Variants in TBC1D19 observed in about 807,000 individuals in gnomAD.
The protein encoded by TBC1D19 is TBC1 domain family, member 19.
TBC1D19 carries 60 observed loss-of-function variants against 89.0 expected under a neutral mutation model. That is an observed-to-expected ratio of 0.67 (90% CI 0.55 to 0.84). The LOEUF (loss-of-function observed/expected upper bound fraction) is 0.84. TBC1D19 is among the 40% of genes least tolerant of loss of function. TBC1D19 has a pLI of 0.00. For missense variants in TBC1D19, 500 were observed against 610.8 expected, an observed-to-expected ratio of 0.82 and a Z score of 1.91; for synonymous variants, 189 against 199.7, an observed-to-expected ratio of 0.95 and a Z score of 0.45.
At chr4:26,605,815 C>T (rs577763982) in intron 1 of TBC1D19, among the ~76,000 whole-genome samples, 1 of 152,250 alleles carries the variant, frequency 6.6e-6, no homozygotes, top group Non-Finnish European at 1.5e-5. Context: ...TGATGATGAG[C>T]ATTTTTTTCA....
At chr4:26,810,502 CT>C in the TBC1D19 span, among the ~76,000 whole-genome samples, 1 of 152,210 alleles carries the variant, frequency 6.6e-6, no homozygotes, top group Non-Finnish European at 1.5e-5. Flanking sequence ...TGACCCTTCT[CT>C]GGTCCTATCT....
At chr4:26,720,050 T>C in intron 14 of TBC1D19, 31 bp from the exon 15 acceptor site, 1 of 1,541,236 alleles carries the variant, frequency 6.5e-7, no homozygotes, top group South Asian at 1.2e-5. Flanking sequence ...TACTTAATCA[T>C]ATTGAAATCC....
intron 13 of TBC1D19, among the ~76,000 whole-genome samples, chr4:26,700,387 C>T (rs1482419403): frequency 6.6e-6 from 1 of 152,158 alleles, no homozygotes; most frequent in African/African-American, 2.4e-5. Flanking sequence ...TATTGAATGG[C>T]ATTTTTTTTC....
intron 3 of TBC1D19, among the ~76,000 whole-genome samples, chr4:26,616,526 T>A (rs527731312): frequency 3.3e-4 from 50 of 152,256 alleles, no homozygotes; most frequent in Admixed American, 2.6e-4. Flanking sequence ...ATTAGATGGA[T>A]GAATAAGGAA....
intron 7 of TBC1D19, among the ~76,000 whole-genome samples, chr4:26,654,013 G>A (rs190707680): frequency 0.012 from 1,776 of 152,212 alleles, 47 homozygotes; most frequent in African/African-American, 0.041. Context: ...GGCTGGTACC[G>A]GTTATTCCTT....
intron 1 of TBC1D19, among the ~76,000 whole-genome samples, chr4:26,605,055 T>G (rs1740896682): frequency 6.6e-6 from 1 of 152,022 alleles, no homozygotes; most frequent in Non-Finnish European, 1.5e-5. Flanking sequence ...TATTTTTATT[T>G]TTTTATTATT....
At chr4:26,694,183 C>T (rs964152008) in intron 13 of TBC1D19, among the ~76,000 whole-genome samples, 4 of 152,034 alleles carry the variant, frequency 2.6e-5, no homozygotes, top group African/African-American at 7.2e-5. Context: ...CCTGGAAAAT[C>T]GGGTCACTCC....
At chr4:26,719,035 A>G (rs1029206287) in intron 14 of TBC1D19, among the ~76,000 whole-genome samples, 1 of 152,042 alleles carries the variant, frequency 6.6e-6, no homozygotes, top group African/African-American at 2.4e-5. Context: ...GTACCTCACC[A>G]TGTCCACCAA....
At chr4:26,599,702 T>C (rs555451313) in intron 1 of TBC1D19, among the ~76,000 whole-genome samples, 1 of 152,196 alleles carries the variant, frequency 6.6e-6, no homozygotes, top group Admixed American at 6.5e-5. Flanking sequence ...TCCTAGCACT[T>C]TGGGAGGCCA....
chr4:26,794,590 AT>A, the TBC1D19 span, among the ~76,000 whole-genome samples: 2 of 152,196 alleles, frequency 1.3e-5, no homozygotes. Flanking sequence ...GAACTGGGAA[AT>A]TTTTTAAAAA....
At chr4:26,729,958 A>C (rs1239949431) in intron 15 of TBC1D19, among the ~76,000 whole-genome samples, 2 of 152,210 alleles carry the variant, frequency 1.3e-5, no homozygotes, top group African/African-American at 4.8e-5. Flanking sequence ...TCCTCAGTGG[A>C]TGTAGAGAAC....
At chr4:26,629,630 T>C (rs114815822) in intron 4 of TBC1D19, among the ~76,000 whole-genome samples, 1 of 152,170 alleles carries the variant, frequency 6.6e-6, no homozygotes, top group African/African-American at 2.4e-5. Flanking sequence ...CAGAAACTTA[T>C]GTTCGTAATA....
intron 13 of TBC1D19, among the ~76,000 whole-genome samples, chr4:26,714,126 A>G (rs1019965943): frequency 1.3e-5 from 2 of 152,098 alleles, no homozygotes; most frequent in African/African-American, 4.8e-5. Context: ...CAGGAGGATT[A>G]CTTGAGCTCA....
the TBC1D19 span, among the ~76,000 whole-genome samples, chr4:26,813,186 C>T: frequency 6.6e-6 from 1 of 151,970 alleles, no homozygotes; most frequent in Admixed American, 6.6e-5. Flanking sequence ...TGCAGAGGCT[C>T]GCTGCAGAGA....
chr4:26,775,354 T>C, the TBC1D19 span, among the ~76,000 whole-genome samples: 1 of 152,208 alleles, frequency 6.6e-6, no homozygotes, highest in Non-Finnish European at 1.5e-5. Flanking sequence ...CTCAGGAGGC[T>C]AAAGTGGGAA....
chr4:26,733,550 C>T (rs1717792577), intron 15 of TBC1D19, among the ~76,000 whole-genome samples: 1 of 152,116 alleles, frequency 6.6e-6, no homozygotes, highest in South Asian at 2.1e-4. Context: ...GCCCTTATCG[C>T]AACAGGTTGC....
At chr4:26,696,772 G>A (rs1714827283) in intron 13 of TBC1D19, among the ~76,000 whole-genome samples, 1 of 152,144 alleles carries the variant, frequency 6.6e-6, no homozygotes, top group Admixed American at 6.5e-5. Flanking sequence ...GGTACATAAC[G>A]AAATGAAGGC....
the TBC1D19 span, among the ~76,000 whole-genome samples, chr4:26,836,297 C>T: frequency 3.9e-5 from 6 of 152,188 alleles, no homozygotes; most frequent in Admixed American, 2.6e-4. Context: ...GTTGTATTTC[C>T]AGCTTCTAGC....
the TBC1D19 span, among the ~76,000 whole-genome samples, chr4:26,849,251 A>G: frequency 1.3e-5 from 2 of 152,070 alleles, no homozygotes; most frequent in South Asian, 2.1e-4. Flanking sequence ...AATGCCAAGA[A>G]AGATCTATTA....
Sources: gnomAD v4.1 joint callset for allele counts (sites outside exome capture counted in the v4.1 genomes callset) on GRCh38, gnomAD v4.1.1 for gene constraint, MANE v1.5 for transcripts, NCBI Gene and HGNC (gene_info 2026-07-23, HGNC 2026-07-21) for gene names.